Variants in PCDH9 observed in about 807,000 individuals in gnomAD.
PCDH9 encodes the protein protocadherin-9.
Under a neutral mutation model 70.6 loss-of-function variants are expected in PCDH9, and 24 were observed. That is an observed-to-expected ratio of 0.34 (90% CI 0.25 to 0.48). The LOEUF is 0.48. Among genes scored for constraint, PCDH9 ranks in the 20% least tolerant of loss-of-function variants. PCDH9 has a pLI of 0.99. For synonymous variants in PCDH9, 562 were observed against 558.5 expected (o/e 1.01, Z -0.09); for missense variants, 1,281 against 1,503.6 (o/e 0.85, Z 2.45).
chr13:66,615,173 C>A (rs1372698344), intron 4 of PCDH9, among the ~76,000 whole-genome samples: 1 of 152,144 alleles, frequency 6.6e-6, no homozygotes, highest in Non-Finnish European at 1.5e-5. Context: ...TAGCACAGGT[C>A]TTTGAATAAA....
chr13:66,735,057 A>T (rs2079127558), intron 3 of PCDH9, among the ~76,000 whole-genome samples: 1 of 152,160 alleles, frequency 6.6e-6, no homozygotes, highest in African/African-American at 2.4e-5. Flanking sequence ...TCACATGAAT[A>T]TATATAGTAC....
intron 3 of PCDH9, among the ~76,000 whole-genome samples, chr13:66,632,351 G>A (rs1566469957): frequency 6.6e-6 from 1 of 152,178 alleles, no homozygotes; most frequent in Admixed American, 6.5e-5. Flanking sequence ...CTATGCAATT[G>A]CTATTGATAT....
intron 2 of PCDH9, among the ~76,000 whole-genome samples, chr13:67,155,631 C>A (rs1400313500): frequency 1.3e-5 from 2 of 152,092 alleles, no homozygotes; most frequent in Non-Finnish European, 2.9e-5. Flanking sequence ...CCTTTTCCCT[C>A]TGTGTTTTCT....
At chr13:66,924,398 T>C (rs1035242382) in intron 2 of PCDH9, among the ~76,000 whole-genome samples, 5 of 151,862 alleles carry the variant, frequency 3.3e-5, no homozygotes, top group African/African-American at 1.2e-4. Context: ...TTTAAGCATC[T>C]GCTTTACATA....
chr13:66,455,304 A>T (rs541747228), intron 4 of PCDH9, among the ~76,000 whole-genome samples: 1 of 151,610 alleles, frequency 6.6e-6, no homozygotes, highest in South Asian at 2.1e-4. Flanking sequence ...AGTTATAAAA[A>T]AGTAGAATTG....
intron 3 of PCDH9, among the ~76,000 whole-genome samples, chr13:66,786,968 G>T (rs2080089909): frequency 2.0e-5 from 3 of 152,170 alleles, no homozygotes; most frequent in African/African-American, 7.2e-5. Context: ...CAATACGTAT[G>T]ATAGTGACAG....
intron 3 of PCDH9, among the ~76,000 whole-genome samples, chr13:66,691,816 A>G (rs1355486156): frequency 6.6e-6 from 1 of 152,190 alleles, no homozygotes; most frequent in African/African-American, 2.4e-5. Context: ...TACAAATTTC[A>G]TATTATAGTC....
chr13:66,986,915 T>A (rs1020786851), intron 2 of PCDH9, among the ~76,000 whole-genome samples: 4 of 151,910 alleles, frequency 2.6e-5, no homozygotes, highest in Non-Finnish European at 5.9e-5. Flanking sequence ...ATAGTATCTA[T>A]GTATATATAA....
intron 2 of PCDH9, among the ~76,000 whole-genome samples, chr13:66,964,008 C>T (rs1055985207): frequency 6.6e-6 from 1 of 151,964 alleles, no homozygotes; most frequent in African/African-American, 2.4e-5. Context: ...GAGTAGTTTA[C>T]AGACTTAATA....
At chr13:67,024,542 T>C (rs1481882200) in intron 2 of PCDH9, among the ~76,000 whole-genome samples, 1 of 152,156 alleles carries the variant, frequency 6.6e-6, no homozygotes, top group Non-Finnish European at 1.5e-5. Flanking sequence ...GTTGAGGTTT[T>C]TTTCTACTTA....
At chr13:66,945,860 G>A (rs2083080132) in intron 2 of PCDH9, among the ~76,000 whole-genome samples, 1 of 152,120 alleles carries the variant, frequency 6.6e-6, no homozygotes, top group African/African-American at 2.4e-5. Flanking sequence ...ATGGGTATGT[G>A]TCTTAGGATG....
intron 4 of PCDH9, among the ~76,000 whole-genome samples, chr13:66,395,525 G>A (rs1957087874): frequency 1.3e-5 from 2 of 151,940 alleles, no homozygotes; most frequent in Admixed American, 6.6e-5. Context: ...GCTTGAACAC[G>A]GGAGGCAGAG....
chr13:66,831,787 A>T (rs988057610), intron 3 of PCDH9, among the ~76,000 whole-genome samples: 2 of 152,100 alleles, frequency 1.3e-5, no homozygotes, highest in Non-Finnish European at 2.9e-5. Context: ...TTGGGGTTAC[A>T]ATTAGTGGGG....
intron 4 of PCDH9, among the ~76,000 whole-genome samples, chr13:66,561,767 G>C (rs1962050514): frequency 6.6e-6 from 1 of 152,072 alleles, no homozygotes; most frequent in Non-Finnish European, 1.5e-5. Flanking sequence ...TCAGCGCCCT[G>C]TCAAAACAGA....
At chr13:67,167,522 T>C (rs2088153180) in intron 2 of PCDH9, among the ~76,000 whole-genome samples, 1 of 152,150 alleles carries the variant, frequency 6.6e-6, no homozygotes, top group African/African-American at 2.4e-5. Flanking sequence ...TCCTTAACCA[T>C]AGAAAAGCTT....
chr13:66,410,195 C>CT (rs200680275), intron 4 of PCDH9, among the ~76,000 whole-genome samples: 66 of 150,444 alleles, frequency 4.4e-4, no homozygotes, highest in African/African-American at 6.3e-4. Flanking sequence ...TTTATTCTTC[C>CT]TTTTTTTAAA....
intron 2 of PCDH9, among the ~76,000 whole-genome samples, chr13:67,138,874 A>T (rs2138350851): frequency 6.6e-6 from 1 of 152,326 alleles, no homozygotes; most frequent in African/African-American, 2.4e-5. Context: ...AAATACTTTG[A>T]TCAAGCCACA....
chr13:66,495,377 G>A (rs561510615), intron 4 of PCDH9, among the ~76,000 whole-genome samples: 75 of 152,176 alleles, frequency 4.9e-4, no homozygotes, highest in African/African-American at 1.7e-3. Context: ...TTCTGACTCT[G>A]GAATAAATAA....
At chr13:66,854,527 C>T (rs558426408) in intron 3 of PCDH9, among the ~76,000 whole-genome samples, 6 of 152,204 alleles carry the variant, frequency 3.9e-5, no homozygotes, top group South Asian at 4.1e-4. Flanking sequence ...ATTTGAGTCA[C>T]GGATGCACAT....
Sources: allele counts gnomAD v4.1 joint callset (sites outside exome capture counted in the v4.1 genomes callset), GRCh38; gene constraint gnomAD v4.1.1; transcripts MANE v1.5; gene names NCBI Gene and HGNC (gene_info 2026-07-23, HGNC 2026-07-21).